Variants in BLM observed in about 807,000 individuals in gnomAD.
BLM encodes recQ-like DNA helicase BLM.
Under a neutral mutation model 135.3 loss-of-function variants are expected in BLM, and 95 were observed. The ratio of observed to expected loss-of-function variants is 0.70; its 90% CI spans 0.59 to 0.83. The LOEUF (loss-of-function observed/expected upper bound fraction) is 0.83, where lower values mean the gene tolerates loss of function less well. Among genes scored for constraint, BLM ranks in the 40% least tolerant of loss-of-function variants. The probability of loss-of-function intolerance (pLI) is 0.00; values close to 1 mark genes in which losing one functional copy is unlikely to be tolerated. For missense variants in BLM, 1,518 were observed against 1,663.9 expected (o/e 0.91, Z 1.53); for synonymous variants, 520 against 589.2 (o/e 0.88, Z 1.70).
chr15:90,805,509 G>T (rs1021002701), intron 19 of BLM, among the ~76,000 whole-genome samples: 1 of 151,830 alleles, frequency 6.6e-6, no homozygotes, highest in Non-Finnish European at 1.5e-5. Context: ...CAATGATCTG[G>T]CCGGACACGG....
chr15:90,790,600 C>T (rs2151184389), intron 14 of BLM, 49 bp from the exon 15 acceptor site: 2 of 1,555,936 alleles, frequency 1.3e-6, no homozygotes, highest in Non-Finnish European at 8.9e-7. Flanking sequence ...GAAAATGTTC[C>T]TTCAAGTCTG....
At chr15:90,790,491 G>A (rs1354855365) in intron 14 of BLM, 158 bp from the exon 15 acceptor site, 7 of 700,822 alleles carry the variant, frequency 1.0e-5, no homozygotes, top group East Asian at 8.1e-5. Context: ...ACTCATATTA[G>A]TTATACTAAA....
chr15:90,760,837 A>T lies in BLM; in HGVS notation c.1464A>T (p.Glu488Asp), dbSNP rs1895958918. 1 of 1,613,958 alleles carries T rather than the reference A, an allele frequency of 6.2e-7. No homozygotes were observed. The highest frequency in any genetic ancestry group is 1.7e-5 in the Admixed American group (1 of 60,000). The part of the protein sequence containing the change: ...GFSATRKNLF[E>D]RPLFNTHLQK... ...CTGCCACCAGGAAGAATCTTTTTGA[A>T]AGGCCTTTATTCAATACCCATTTAC... is the stretch of plus-strand genomic sequence containing the variant. The change falls in exon 7 of 22, where the codon GAA becomes GAT. Residue 488 changes from glutamate (E) to aspartate (D), a missense_variant. Around this residue, in one of 5 missense-constraint regions of BLM, gnomAD observed 724 missense variants for 756.9 expected, o/e 0.96. Transcript: ENST00000355112.
chr15:90,790,000 T>G (rs963502678), intron 14 of BLM, among the ~76,000 whole-genome samples: 98 of 98,672 alleles, frequency 9.9e-4, no homozygotes, highest in African/African-American at 4.5e-3. Context: ...TTTTTTTTTT[T>G]TTTTTTTTTT....
chr15:90,788,471 GTTT>G (rs35158343), intron 14 of BLM, among the ~76,000 whole-genome samples: 11,522 of 95,480 alleles, frequency 0.12, 313 homozygotes, highest in African/African-American at 0.19. Flanking sequence ...CCAGTGTTTT[GTTT>G]TTTTTTTTTT....
chr15:90,772,994 A>G (rs6496726), intron 12 of BLM, among the ~76,000 whole-genome samples: 50,582 of 150,382 alleles, frequency 0.34, 10,833 homozygotes, highest in African/African-American at 0.62. Flanking sequence ...CTACTGGGGA[A>G]GCTGAGGCAG....
intron 1 of BLM, among the ~76,000 whole-genome samples, chr15:90,719,096 A>G (rs1894690785): frequency 6.6e-6 from 1 of 152,000 alleles, no homozygotes; most frequent in South Asian, 2.1e-4. Context: ...GGTTCATGCC[A>G]TTCTCCTGCC....
At chr15:90,804,452 A>C in intron 19 of BLM, 93 bp downstream of exon 19, 8 of 1,355,880 alleles carry the variant, frequency 5.9e-6, no homozygotes, top group African/African-American at 1.4e-5. Context: ...AATATATCTC[A>C]GTGGTTTGTT....
At position 90,815,231 on chromosome 15, in the gene BLM, G is replaced by A. The variant is rs775975894; in HGVS notation, c.4206G>A (p.Pro1402=). 5 of 1,613,992 alleles carry A rather than the reference G, an allele frequency of 3.1e-6. No homozygotes were observed. In the African/African-American group the frequency reaches 4.0e-5, roughly 13 times the overall value. Residue 1402 remains proline, a synonymous_variant, in exon 22 of 22, where the codon CCG becomes CCA. Coordinates refer to ENST00000355112, the MANE Select transcript of BLM (RefSeq NM_000057.4). This position sits in a 1 kb window ranked among gnomAD's most constrained non-coding sequence, Gnocchi z 4.6. ...GCAAATTGGGGATTATGGCTCCACC[G>A]AAGCCTATAAATAGACCGTTTCTTA... ...ANSKLGIMAP[P]KPINRPFLKP... is the part of the protein sequence containing the mutation.
intron 15 of BLM, 51 bp downstream of exon 15, chr15:90,790,895 A>G: frequency 6.5e-7 from 1 of 1,527,136 alleles, no homozygotes; most frequent in East Asian, 2.3e-5. Flanking sequence ...GCCTCATGAT[A>G]GTAGTCTACT....
intron 1 of BLM, among the ~76,000 whole-genome samples, chr15:90,727,469 T>C (rs1233059984): frequency 6.6e-6 from 1 of 152,226 alleles, no homozygotes; most frequent in Non-Finnish European, 1.5e-5. Flanking sequence ...AATTGGTCCC[T>C]GGCTGTGTCT....
chr15:90,800,030 G>C (rs1425450739), intron 17 of BLM, among the ~76,000 whole-genome samples: 1 of 152,184 alleles, frequency 6.6e-6, no homozygotes, highest in Non-Finnish European at 1.5e-5. Flanking sequence ...CTGTTTAAAA[G>C]GGTCAGCCTT....
intron 4 of BLM, 61 bp from the exon 5 acceptor site, chr15:90,754,750 A>G (rs1201654320): frequency 9.0e-6 from 14 of 1,550,860 alleles, no homozygotes; most frequent in African/African-American, 1.4e-5. Flanking sequence ...GGGTTTCAAA[A>G]TTATACATTT....
chr15:90,723,035 T>A (rs1488905808), intron 1 of BLM, among the ~76,000 whole-genome samples: 1 of 152,062 alleles, frequency 6.6e-6, no homozygotes, highest in Non-Finnish European at 1.5e-5. Context: ...AGAGACGGGG[T>A]TACATCATGT....
At chr15:90,752,843 C>T (rs1041594575) in intron 4 of BLM, among the ~76,000 whole-genome samples, 2 of 152,120 alleles carry the variant, frequency 1.3e-5, no homozygotes, top group African/African-American at 4.8e-5. Context: ...TATAGAGTCT[C>T]AATTCTAAAC....
intron 5 of BLM, among the ~76,000 whole-genome samples, chr15:90,756,354 C>T (rs944385826): frequency 2.0e-5 from 3 of 152,002 alleles, no homozygotes; most frequent in East Asian, 1.9e-4. Context: ...CCGCCCACCT[C>T]GGCCCCCCAA....
intron 12 of BLM, among the ~76,000 whole-genome samples, chr15:90,779,016 G>C (rs1321694250): frequency 6.6e-6 from 1 of 151,746 alleles, no homozygotes; most frequent in Non-Finnish European, 1.5e-5. Context: ...TTCCTGAGTA[G>C]CTGAGACTAC....
intron 1 of BLM, among the ~76,000 whole-genome samples, chr15:90,731,292 G>A (rs1221589244): frequency 6.6e-6 from 1 of 152,116 alleles, no homozygotes; most frequent in Non-Finnish European, 1.5e-5. Flanking sequence ...TATTGTTTGG[G>A]ACTTTTGCAT....
At chr15:90,765,481 C>A (rs757015160) in intron 9 of BLM, 67 bp downstream of exon 9, 1 of 1,238,864 alleles carries the variant, frequency 8.1e-7, no homozygotes, top group Non-Finnish European at 1.2e-6. Context: ...TCTGGATAAC[C>A]TTTTTATTAA....
Sources: allele counts gnomAD v4.1 joint callset (sites outside exome capture counted in the v4.1 genomes callset), GRCh38; gene constraint gnomAD v4.1.1; regional missense constraint gnomAD v4.1.1; non-coding constraint Gnocchi (gnomAD v3.1); transcripts MANE v1.5; gene names NCBI Gene and HGNC (gene_info 2026-07-23, HGNC 2026-07-21).